TMEM164: variants seen among roughly 807,000 people sequenced by gnomAD.
TMEM164 encodes RP13-360B22.2.
A neutral mutation model predicts 18.8 loss-of-function variants in TMEM164; 4 were observed. The ratio of observed to expected loss-of-function variants is 0.21; its 90% CI spans 0.10 to 0.49. The LOEUF is 0.49. TMEM164 is among the 20% of genes least tolerant of loss of function. The pLI is 0.98. For missense variants in TMEM164, 108 were observed against 239.9 expected, an observed-to-expected ratio of 0.45 and a Z score of 3.63; for synonymous variants, 86 against 101.7, an observed-to-expected ratio of 0.85 and a Z score of 0.93.
chrX:110,078,018 G>T (rs1239784891), intron 3 of TMEM164, among the ~76,000 whole-genome samples: 1 of 112,155 alleles, frequency 8.9e-6, no homozygotes, highest in Non-Finnish European at 1.9e-5. Flanking sequence ...CAAGATTGGA[G>T]AAATTTTCAT....
intron 2 of TMEM164, among the ~76,000 whole-genome samples, chrX:110,025,330 T>C (rs1934132409): frequency 8.9e-6 from 1 of 111,799 alleles, no homozygotes; most frequent in Non-Finnish European, 1.9e-5. Context: ...GTCAAAGCCC[T>C]TGGGATGCTC....
At chrX:110,099,634 C>T (rs1447689012) in intron 3 of TMEM164, among the ~76,000 whole-genome samples, 1 of 112,343 alleles carries the variant, frequency 8.9e-6, no homozygotes, top group African/African-American at 3.2e-5. Flanking sequence ...GCCTTAAAAT[C>T]AGGCAATGTG....
intron 3 of TMEM164, among the ~76,000 whole-genome samples, chrX:110,107,127 A>G (rs1406384423): frequency 8.9e-6 from 1 of 112,345 alleles, no homozygotes; most frequent in African/African-American, 3.2e-5. Context: ...TCTTGAAACT[A>G]AAAGGAGGGA....
intron 3 of TMEM164, among the ~76,000 whole-genome samples, chrX:110,089,300 C>T (rs1041602113): frequency 1.8e-5 from 2 of 111,583 alleles, no homozygotes; most frequent in African/African-American, 6.5e-5. Flanking sequence ...CAGGTTCAAG[C>T]GATTCTCCTG....
chrX:110,003,986 G>A lies in TMEM164; in HGVS notation c.212G>A (p.Ser71Asn). ...LRQTKEDGRG[S>N]PGSQPEQVTQ... The stretch of plus-strand genomic sequence containing the variant: ...CAGACGAAGGAGGACGGTAGGGGTA[G>A]CCCTGGCAGCCAGCCAGAGCAGGTG... Residue 71 changes from serine (S) to asparagine (N), a missense_variant, in exon 2 of 7, where the codon AGC becomes AAC. Transcript: ENST00000372068. 1 of 1,211,626 alleles carries A rather than the reference G, an allele frequency of 8.3e-7. No individual in the cohort carries two copies. Among genetic ancestry groups the A allele is most frequent in the Non-Finnish European group, 1.1e-6 (1 of 895,474 alleles).
chrX:110,170,631 G>A (rs1407352463), intron 5 of TMEM164, among the ~76,000 whole-genome samples: 1 of 111,501 alleles, frequency 9.0e-6, no homozygotes, highest in African/African-American at 3.3e-5. Context: ...ATATATCCAG[G>A]CCTACTGGGA....
chrX:110,004,614 CTG>C (rs1932567095), intron 2 of TMEM164, among the ~76,000 whole-genome samples: 1 of 112,429 alleles, frequency 8.9e-6, no homozygotes, highest in Admixed American at 9.4e-5. Context: ...CTCATCTACA[CTG>C]TGGTACTTTG....
chrX:110,072,279 C>G (rs899763028), intron 3 of TMEM164, among the ~76,000 whole-genome samples: 1 of 82,807 alleles, frequency 1.2e-5, no homozygotes, highest in Non-Finnish European at 2.2e-5. Context: ...CCAGCCTGGG[C>G]GACAGAGACT....
downstream of TMEM164, among the ~76,000 whole-genome samples, chrX:110,178,101 C>T (rs747796122): frequency 2.7e-5 from 3 of 112,458 alleles, no homozygotes; most frequent in Non-Finnish European, 5.6e-5. Flanking sequence ...AGAAGGCAAA[C>T]ACATTCAGGC....
chrX:110,041,889 C>T (rs182062127), intron 2 of TMEM164, among the ~76,000 whole-genome samples: 3 of 111,418 alleles, frequency 2.7e-5, no homozygotes, highest in East Asian at 2.8e-4. Context: ...CCAAAGATTC[C>T]GCTGTGCCTT....
rs759152729 is a variant in TMEM164 at position 110,049,971 on chromosome X, T to C, written c.391-17376T>C. Among the ~76,000 whole-genome samples, 478 of 111,864 alleles carry C rather than the reference T, an allele frequency of 4.3e-3. 5 individuals carry two copies. Among genetic ancestry groups the C allele is most frequent in the African/African-American group, 0.015 (454 of 30,753 alleles). On this transcript the variant is annotated intron_variant, in intron 2 of 6. Transcript: ENST00000372068. ...TCAAAGGCCTTTGAGAGCCTTCCAT[T>C]GGGCTGCCCAAAGTCCTTAGAGGCT...
chrX:110,046,982 A>T (rs905482194), intron 2 of TMEM164, among the ~76,000 whole-genome samples: 2 of 111,786 alleles, frequency 1.8e-5, no homozygotes, highest in African/African-American at 6.5e-5. Context: ...TTGAGTCCGG[A>T]TATTGGAGTG....
intron 3 of TMEM164, among the ~76,000 whole-genome samples, chrX:110,100,894 T>G (rs138532876): frequency 0.02 from 2,242 of 111,359 alleles, 31 homozygotes; most frequent in Non-Finnish European, 0.03. Context: ...TGGCCAAGTA[T>G]TATTCTTTCT....
intron 2 of TMEM164, among the ~76,000 whole-genome samples, chrX:110,018,682 A>G (rs757570903): frequency 1.3e-4 from 15 of 112,479 alleles, no homozygotes; most frequent in Non-Finnish European, 2.4e-4. Context: ...TAATAGTAGT[A>G]TCTACTTTAT....
At chrX:110,090,210 A>T (rs994816375) in intron 3 of TMEM164, among the ~76,000 whole-genome samples, 1 of 110,607 alleles carries the variant, frequency 9.0e-6, no homozygotes, top group African/African-American at 3.3e-5. Context: ...GCAACCAGGG[A>T]ATTATCTTTG....
chrX:110,049,307 C>T (rs1001777322), intron 2 of TMEM164, among the ~76,000 whole-genome samples: 4 of 110,329 alleles, frequency 3.6e-5, no homozygotes, highest in African/African-American at 1.3e-4. Flanking sequence ...CGGCCTAATG[C>T]AGCAGTCTCT....
Position 110,067,361 on chromosome X carries a change from C to G in TMEM164, c.405C>G (p.Ala135=), listed in dbSNP as rs375506424. The change falls in exon 3 of 7, where the codon GCC becomes GCG. Residue 135 remains alanine, a synonymous_variant. Transcript: ENST00000372068. ...TTCAATTGCAGATCTTTCTCCTGGCCTGCCCTCCATGTCGGGGAGCTATCG... is the reference window on the plus strand; with the variant it reads ...TTCAATTGCAGATCTTTCTCCTGGCGTGCCCTCCATGTCGGGGAGCTATCG... ...LVTMMHIFLL[A]CPPCRGAIVV... is the part of the protein sequence containing the mutation. The G allele has an allele frequency of 4.1e-6, 5 of 1,209,876 alleles. No homozygotes were observed. In the African/African-American group the frequency reaches 8.7e-5, roughly 21 times the overall value.
At chrX:110,099,032 T>C (rs1026518958) in intron 3 of TMEM164, among the ~76,000 whole-genome samples, 9 of 105,686 alleles carry the variant, frequency 8.5e-5, no homozygotes, top group African/African-American at 3.1e-4. Flanking sequence ...TCTCCTGACC[T>C]TGTGATCTGC....
In TMEM164 at chrX:110,177,533, GC is replaced by G. The variant is rs1214889351; in HGVS notation, c.*4087del. The G allele has an allele frequency of 8.9e-6, 1 of 112,397 alleles. No individual in the cohort carries two copies. Among genetic ancestry groups the G allele is most frequent in the East Asian group, 2.8e-4 (1 of 3,571 alleles). The allele number at this position is 112,397 out of a possible 1,213,427, so 9.3% of individuals were successfully genotyped here. ...TCAGGCTGGTTCTTGCGTGCTCTGTGCCCCCACCAGTTTGCTCACCTCTTGG... is the reference window on the plus strand; with the variant it reads ...TCAGGCTGGTTCTTGCGTGCTCTGTGCCCCACCAGTTTGCTCACCTCTTGG... On this transcript the variant is annotated 3_prime_UTR_variant, in exon 7 of 7. Transcript: ENST00000372068.
Sources: gnomAD v4.1 joint callset for allele counts (sites outside exome capture counted in the v4.1 genomes callset) on GRCh38, gnomAD v4.1.1 for gene constraint, MANE v1.5 for transcripts, NCBI Gene and HGNC (gene_info 2026-07-23, HGNC 2026-07-21) for gene names.